The following NEGR1 variants were observed in gnomAD, a reference collection of about 807,000 sequenced individuals.
The protein encoded by NEGR1 is neuronal growth regulator 1, also known as IgLON family member 4.
In NEGR1, 10 loss-of-function variants were observed where a neutral mutation model predicts 40.9. The observed-to-expected ratio is 0.24, with a 90% CI of 0.15 to 0.42. The LOEUF (loss-of-function observed/expected upper bound fraction) is 0.42. NEGR1 is among the 10% of genes least tolerant of loss of function. NEGR1 has a pLI of 1.00. For missense variants in NEGR1, 352 were observed against 438.9 expected (o/e 0.80, Z 1.77); for synonymous variants, 185 against 166.8 (o/e 1.11, Z -0.84).
intron 1 of NEGR1, among the ~76,000 whole-genome samples, chr1:72,042,352 T>C (rs1277941862): frequency 6.6e-6 from 1 of 151,746 alleles, no homozygotes; most frequent in African/African-American, 2.4e-5. Flanking sequence ...GGTTGGGTCA[T>C]GGAGAACCCA....
chr1:71,865,864 T>C (rs1660096485), intron 2 of NEGR1, among the ~76,000 whole-genome samples: 1 of 152,162 alleles, frequency 6.6e-6, no homozygotes, highest in East Asian at 1.9e-4. Context: ...TCCTTGCTAA[T>C]AAAAAAATCT....
intron 6 of NEGR1, among the ~76,000 whole-genome samples, chr1:71,568,824 G>T (rs1301524405): frequency 3.2e-5 from 3 of 95,192 alleles, no homozygotes; most frequent in Non-Finnish European, 4.1e-5. Flanking sequence ...GTGTATATAT[G>T]TATACGTGTG....
intron 1 of NEGR1, among the ~76,000 whole-genome samples, chr1:72,040,016 T>G (rs1223926980): frequency 6.6e-6 from 1 of 151,990 alleles, no homozygotes; most frequent in Non-Finnish European, 1.5e-5. Context: ...AATACGTGTC[T>G]AATGTGAGGC....
Position 71,667,394 on chromosome 1 carries a change from A to G in NEGR1, c.667+30614T>C, listed in dbSNP as rs148206440. Among the ~76,000 whole-genome samples, 15 of 152,288 alleles carry G rather than the reference A, an allele frequency of 9.8e-5. No individual in the cohort carries two copies. In the East Asian group the frequency reaches 2.9e-3, roughly 29 times the overall value. Reference sequence around the variant, plus strand: ...GGTCTGTGAAATACACAGAAGCGAGACTGTGAATGATAGCTCTAGAAATAT... The same window carrying G: ...GGTCTGTGAAATACACAGAAGCGAGGCTGTGAATGATAGCTCTAGAAATAT... On this transcript the variant is annotated intron_variant, in intron 4 of 6. Transcript: ENST00000357731.
rs567484852 is a variant in NEGR1, at chr1:72,257,501, G to C, written c.176+24818C>G. Among the ~76,000 whole-genome samples, 9 of 152,020 alleles carry C rather than the reference G, an allele frequency of 5.9e-5. No individual in the cohort carries two copies. In the East Asian group the frequency reaches 1.7e-3, roughly 29 times the overall value. On this transcript the variant is annotated intron_variant, in intron 1 of 6. Coordinates refer to ENST00000357731, the MANE Select transcript of NEGR1 (RefSeq NM_173808.3). ...CTGATTTTTATAGAAATATACATAC[G>C]TAACATGTTGATATGTGTGTCCTCT...
At chr1:71,845,698 A>T (rs1659381854) in intron 2 of NEGR1, among the ~76,000 whole-genome samples, 1 of 151,674 alleles carries the variant, frequency 6.6e-6, no homozygotes, top group Non-Finnish European at 1.5e-5. Context: ...TCACACAGCA[A>T]AAAGGACAAT....
At chr1:72,135,361 G>C (rs1650413359) in intron 1 of NEGR1, among the ~76,000 whole-genome samples, 1 of 112,520 alleles carries the variant, frequency 8.9e-6, no homozygotes, top group African/African-American at 3.5e-5. Context: ...GGGTGACAGA[G>C]CGAGACTCCG....
At chr1:71,764,164 T>C (rs1656042495) in intron 3 of NEGR1, among the ~76,000 whole-genome samples, 1 of 152,190 alleles carries the variant, frequency 6.6e-6, no homozygotes, top group Admixed American at 6.5e-5. Context: ...TTGGAATGAT[T>C]TTTTGAAAAA....
At chr1:72,006,493 C>T (rs1208413686) in intron 1 of NEGR1, among the ~76,000 whole-genome samples, 1 of 152,160 alleles carries the variant, frequency 6.6e-6, no homozygotes, top group Non-Finnish European at 1.5e-5. Context: ...CTCACATTTT[C>T]TCATGGTCAA....
chr1:71,398,444 ATTTTGGAGC>A lies in NEGR1; in HGVS notation c.*8993_*9001del, dbSNP rs760309463. ...GTGAGAAATGGAGTCAAAGGAGATC[ATTTTGGAGC>A]TTTAAGACTTGACCGCCCCTGTAGT... On this transcript the variant is annotated 3_prime_UTR_variant, in exon 7 of 7. Transcript: ENST00000357731. 1.3e-5 allele frequency: 2 copies of A among 153,402 alleles called. No homozygotes were observed. The highest frequency in any genetic ancestry group is 2.9e-5 in the Non-Finnish European group (2 of 69,038). 9.5% of individuals were successfully genotyped at this position (153,402 alleles called of 1,614,324 possible).
intron 1 of NEGR1, among the ~76,000 whole-genome samples, chr1:72,153,942 T>A (rs188654860): frequency 1.3e-5 from 2 of 151,876 alleles, no homozygotes; most frequent in East Asian, 3.9e-4. Flanking sequence ...ATTAGTATAG[T>A]AGAAAGCAGA....
chr1:71,724,231 C>A lies in NEGR1; in HGVS notation c.536-26092G>T, dbSNP rs560224941. 2.0e-5 allele frequency among the ~76,000 whole-genome samples: 3 copies of A among 152,216 alleles called. No homozygotes were observed. In the South Asian group the frequency reaches 6.2e-4, roughly 32 times the overall value. ...ACATCTCCAAATATATTAAATTTTTCTTATGCAATTTAATCTACCTTTAAT... is the reference window on the plus strand; with the variant it reads ...ACATCTCCAAATATATTAAATTTTTATTATGCAATTTAATCTACCTTTAAT... On this transcript the variant is annotated intron_variant, in intron 3 of 6. Transcript: ENST00000357731.
chr1:71,760,131 C>A (rs1200984549), intron 3 of NEGR1, among the ~76,000 whole-genome samples: 1 of 152,072 alleles, frequency 6.6e-6, no homozygotes, highest in African/African-American at 2.4e-5. Flanking sequence ...AATGCCCCTG[C>A]TCTCTCAGAA....
intron 1 of NEGR1, among the ~76,000 whole-genome samples, chr1:72,133,531 G>A (rs1248255749): frequency 1.3e-5 from 2 of 151,912 alleles, no homozygotes; most frequent in East Asian, 3.9e-4. Context: ...TTGCTCAAAT[G>A]TACTATATAA....
chr1:71,995,964 A>G (rs1224414542), intron 1 of NEGR1, among the ~76,000 whole-genome samples: 2 of 152,158 alleles, frequency 1.3e-5, no homozygotes, highest in Non-Finnish European at 2.9e-5. Flanking sequence ...GAGAACGAAT[A>G]TTCTTCAGAA....
chr1:71,790,134 G>A (rs1273716475), intron 2 of NEGR1, among the ~76,000 whole-genome samples: 2 of 152,040 alleles, frequency 1.3e-5, no homozygotes, highest in African/African-American at 2.4e-5. Flanking sequence ...TTCAGGAGCC[G>A]TTTGACAATT....
At position 71,451,376 on chromosome 1, in the gene NEGR1, C is replaced by T. The variant is rs186685355; in HGVS notation, c.941-43806G>A. Among the ~76,000 whole-genome samples the T allele has an allele frequency of 1.4e-3, 202 of 149,038 alleles. 1 individual carries two copies. Among genetic ancestry groups the T allele is most frequent in the Non-Finnish European group, 1.6e-3 (107 of 67,806 alleles). On this transcript the variant is annotated intron_variant, in intron 6 of 6. Coordinates refer to ENST00000357731, the MANE Select transcript of NEGR1 (RefSeq NM_173808.3). ...GAGTCAAAGTTTTGCTCTTGTTGCCCGGACTGGAGTGTAGTGGCACAATCT... is the reference window on the plus strand; with the variant it reads ...GAGTCAAAGTTTTGCTCTTGTTGCCTGGACTGGAGTGTAGTGGCACAATCT...
At chr1:71,688,390 T>TATATATGATATATATAA (rs1402163614) in intron 4 of NEGR1, among the ~76,000 whole-genome samples, 1 of 27,278 alleles carries the variant, frequency 3.7e-5, no homozygotes, top group Non-Finnish European at 6.9e-5. Context: ...AAAAGATATA[T>TATATATGATATATATAA]AAAATATATA....
At chr1:71,805,435 A>T (rs1657730673) in intron 2 of NEGR1, among the ~76,000 whole-genome samples, 1 of 152,234 alleles carries the variant, frequency 6.6e-6, no homozygotes, top group South Asian at 2.1e-4. Context: ...CCAGTTTTAA[A>T]ATTTCTCTCT....
Sources: gnomAD v4.1 joint callset for allele counts (sites outside exome capture counted in the v4.1 genomes callset) on GRCh38, gnomAD v4.1.1 for gene constraint, MANE v1.5 for transcripts, NCBI Gene and HGNC (gene_info 2026-07-23, HGNC 2026-07-21) for gene names.